PHACTR2: variants seen among roughly 807,000 people sequenced by gnomAD.
PHACTR2 encodes phosphatase and actin regulator 2.
PHACTR2 carries 30 observed loss-of-function variants against 76.0 expected under a neutral mutation model. The ratio of observed to expected loss-of-function variants is 0.39; its 90% CI spans 0.30 to 0.54. PHACTR2 has a LOEUF of 0.54. PHACTR2 is among the 20% of genes least tolerant of loss of function. The pLI, the probability that PHACTR2 is intolerant of heterozygous loss-of-function variation, is 0.61. For missense variants in PHACTR2, 696 were observed against 781.1 expected, an observed-to-expected ratio of 0.89 and a Z score of 1.30; for synonymous variants, 292 against 292.5, an observed-to-expected ratio of 1.00 and a Z score of 0.02.
chr6:143,711,501 C>T (rs1359052963), intron 1 of PHACTR2, among the ~76,000 whole-genome samples: 1 of 152,156 alleles, frequency 6.6e-6, no homozygotes, highest in Non-Finnish European at 1.5e-5. Context: ...AGCTCAAAAC[C>T]TTTTTTGTAA....
chr6:143,689,402 G>A lies in PHACTR2; in HGVS notation c.46+11193G>A, dbSNP rs1434342750. Among the ~76,000 whole-genome samples, 5 of 152,178 alleles carry A rather than the reference G, an allele frequency of 3.3e-5. No homozygotes were observed. Among genetic ancestry groups the A allele is most frequent in the African/African-American group, 9.7e-5 (4 of 41,438 alleles). ...ATTTGTCAAATAAATGAATAGCTCT[G>A]TTTGGCCAGGTCATACATTAGTAGA... On this transcript the variant is annotated intron_variant, in intron 1 of 12. Coordinates refer to ENST00000440869, the MANE Select transcript of PHACTR2 (RefSeq NM_001100164.2). The surrounding 1 kb of genome is among the most constrained non-coding windows in gnomAD (Gnocchi z 4.4).
Position 143,709,224 on chromosome 6 carries a change from G to A in PHACTR2, c.47-2792G>A, listed in dbSNP as rs933022766. Among the ~76,000 whole-genome samples the A allele has an allele frequency of 6.6e-6, 1 of 152,212 alleles. No individual in the cohort carries two copies. The highest frequency in any genetic ancestry group is 1.5e-5 in the Non-Finnish European group (1 of 68,032). ...TCTATCTGTTGTGCTATGGCTGAAA[G>A]TAGGGTTAGGAACCACTTTCAGAAG... On this transcript the variant is annotated intron_variant, in intron 1 of 12. Coordinates refer to ENST00000440869, the MANE Select transcript of PHACTR2 (RefSeq NM_001100164.2). This position sits in a 1 kb window ranked among gnomAD's most constrained non-coding sequence, Gnocchi z 4.4.
At chr6:143,725,576 T>C (rs755304761) in intron 2 of PHACTR2, among the ~76,000 whole-genome samples, 5 of 151,894 alleles carry the variant, frequency 3.3e-5, no homozygotes, top group Non-Finnish European at 5.9e-5. Flanking sequence ...TTCACCATAG[T>C]TTTGTTGTTT....
At chr6:143,614,018 C>T (rs1034471060) in intron 1 of PHACTR2, among the ~76,000 whole-genome samples, 4 of 152,060 alleles carry the variant, frequency 2.6e-5, no homozygotes, top group South Asian at 2.1e-4. Context: ...GTCAGGAGTT[C>T]GAGACCAGCC....
Position 143,562,308 on chromosome 6 carries a change from C to A in PHACTR2, c.217+25101C>A, listed in dbSNP as rs372858336. Among the ~76,000 whole-genome samples the A allele has an allele frequency of 2.0e-5, 3 of 152,120 alleles. No homozygotes were observed. Among genetic ancestry groups the A allele is most frequent in the African/African-American group, 7.2e-5 (3 of 41,408 alleles). On this transcript the variant is annotated intron_variant, in intron 1 of 11. Coordinates refer to the PHACTR2 transcript ENST00000367584. This position sits in a 1 kb window ranked among gnomAD's most constrained non-coding sequence, Gnocchi z 5.1. ...CGGTGCTGGCATCTGCTTGGCCTCC[C>A]CAGGCCTCAGGAAGTTTACAATGAG...
upstream of PHACTR2, among the ~76,000 whole-genome samples, chr6:143,603,940 A>G (rs1226168369): frequency 2.6e-5 from 4 of 152,034 alleles, no homozygotes; most frequent in South Asian, 2.1e-4. Context: ...TCTACTAAAA[A>G]TACAAAAAGT....
intron 11 of PHACTR2, among the ~76,000 whole-genome samples, chr6:143,804,926 G>T (rs139706278): frequency 2.2e-4 from 34 of 152,258 alleles, no homozygotes; most frequent in African/African-American, 7.5e-4. Flanking sequence ...AGTGTACAAA[G>T]CACTTTCAAA....
rs891863189 is a variant in PHACTR2, at chr6:143,618,907, C to A, written c.13+10585C>A. On this transcript the variant is annotated intron_variant, in intron 1 of 11. Coordinates refer to the PHACTR2 transcript ENST00000305766. The surrounding 1 kb of genome is among the most constrained non-coding windows in gnomAD (Gnocchi z 5.2). The stretch of plus-strand genomic sequence containing the variant: ...CTCCTCAAGAACAGGGCCACGTCTC[C>A]TTCTTGAGCCTTATACTAAGTACTG... Among the ~76,000 whole-genome samples the A allele has an allele frequency of 2.0e-5, 3 of 152,066 alleles. No homozygotes were observed. Among genetic ancestry groups the A allele is most frequent in the Non-Finnish European group, 2.9e-5 (2 of 68,040 alleles).
At chr6:143,665,921 G>A (rs1777025720) in intron 1 of PHACTR2, among the ~76,000 whole-genome samples, 1 of 152,072 alleles carries the variant, frequency 6.6e-6, no homozygotes, top group South Asian at 2.1e-4. Flanking sequence ...TGTGCAGAAT[G>A]TGCAGGTTTG....
rs572518341 is a variant in PHACTR2, at chr6:143,548,869, C to T, written c.217+11662C>T. On this transcript the variant is annotated intron_variant, in intron 1 of 11. Transcript: ENST00000367584. This position sits in a 1 kb window ranked among gnomAD's most constrained non-coding sequence, Gnocchi z 4.5. ...ACATAACAAAGTGGATGTTTCATTG[C>T]ACCATAGGTGTTTTAGAGTTGTGGG... is the stretch of plus-strand genomic sequence containing the variant. 1.1e-4 allele frequency among the ~76,000 whole-genome samples: 16 copies of T among 151,972 alleles called. No homozygotes were observed. Among genetic ancestry groups the T allele is most frequent in the African/African-American group, 3.6e-4 (15 of 41,462 alleles).
rs1775183969 is a variant in PHACTR2, at chr6:143,772,666, G to T, written c.1432+209G>T. Among the ~76,000 whole-genome samples the T allele has an allele frequency of 6.6e-6, 1 of 152,174 alleles. No homozygotes were observed. Among genetic ancestry groups the T allele is most frequent in the African/African-American group, 2.4e-5 (1 of 41,442 alleles). On this transcript the variant is annotated intron_variant, in intron 7 of 12. Transcript: ENST00000440869. This position sits in a 1 kb window ranked among gnomAD's most constrained non-coding sequence, Gnocchi z 5.4. ...AGATGATGTCACATGGCTGGATCTG[G>T]CCTTTGTCGATGAGCTAGATGAGCT...
In PHACTR2 at chr6:143,756,562, G is replaced by A. The variant is rs1309786133; in HGVS notation, c.454+2650G>A. 5.1e-4 allele frequency among the ~76,000 whole-genome samples: 77 copies of A among 150,730 alleles called. 1 individual carries two copies. Among genetic ancestry groups the A allele is most frequent in the Admixed American group, 3.6e-3 (54 of 15,172 alleles). On this transcript the variant is annotated intron_variant, in intron 4 of 12. Coordinates refer to ENST00000440869, the MANE Select transcript of PHACTR2 (RefSeq NM_001100164.2). Reference sequence around the variant, plus strand: ...TACAAAAAAAAAATTAGCCGGGCGTGGTGGCGGGCGCCTGTAGTCCCAGCT... The same window carrying A: ...TACAAAAAAAAAATTAGCCGGGCGTAGTGGCGGGCGCCTGTAGTCCCAGCT...
chr6:143,677,997 G>C lies in PHACTR2; in HGVS notation c.-167G>C. On this transcript the variant is annotated 5_prime_UTR_variant, in exon 1 of 13. Coordinates refer to ENST00000440869, the MANE Select transcript of PHACTR2 (RefSeq NM_001100164.2). ...GGGCAGGATCCGCCGCGCCGGCTGC[G>C]GCCGGCCGGGCTGGGAGACCCGCGC... The C allele has an allele frequency of 6.9e-7, 1 of 1,442,884 alleles. No individual in the cohort carries two copies. Among genetic ancestry groups the C allele is most frequent in the Admixed American group, 2.7e-5 (1 of 37,056 alleles). 89.4% of individuals were successfully genotyped at this position (1,442,884 alleles called of 1,614,324 possible).
rs1464145347 is a variant in PHACTR2 at position 143,789,793 on chromosome 6, T to A, written c.1845+883T>A. Among the ~76,000 whole-genome samples, 1 of 152,194 alleles carries A rather than the reference T, an allele frequency of 6.6e-6. No homozygotes were observed. Among genetic ancestry groups the A allele is most frequent in the Non-Finnish European group, 1.5e-5 (1 of 68,046 alleles). On this transcript the variant is annotated intron_variant, in intron 11 of 12. Coordinates refer to ENST00000440869, the MANE Select transcript of PHACTR2 (RefSeq NM_001100164.2). This position sits in a 1 kb window ranked among gnomAD's most constrained non-coding sequence, Gnocchi z 5.1. ...GCTTCATTATTTAAAATACCTGCTA[T>A]GCATCAAGCATATACTGGAGATACA...
rs1046144931 is a variant in PHACTR2 at position 143,825,206 on chromosome 6, G to C, written c.*1517G>C. On this transcript the variant is annotated 3_prime_UTR_variant, in exon 13 of 13. Coordinates refer to ENST00000440869, the MANE Select transcript of PHACTR2 (RefSeq NM_001100164.2). The surrounding 1 kb of genome is among the most constrained non-coding windows in gnomAD (Gnocchi z 4.1). ...AGAGTTTATTTTATTCTCAGAGTTTGGACTACAATTTTCTAAGATGTTTCT... is the reference window on the plus strand; with the variant it reads ...AGAGTTTATTTTATTCTCAGAGTTTCGACTACAATTTTCTAAGATGTTTCT... 2.0e-5 allele frequency: 3 copies of C among 152,190 alleles called. No homozygotes were observed. The highest frequency in any genetic ancestry group is 2.0e-4 in the Admixed American group (3 of 15,274). The allele number at this position is 152,190 out of a possible 1,614,324, so 9.4% of individuals were successfully genotyped here. A position where few individuals can be genotyped will look rare whatever the true frequency, so the allele number is the denominator to read the frequency against.
Position 143,821,107 on chromosome 6 carries a change from C to T in PHACTR2, c.1923-2567C>T, listed in dbSNP as rs971970490. On this transcript the variant is annotated intron_variant, in intron 12 of 12. Transcript: ENST00000440869. This position sits in a 1 kb window ranked among gnomAD's most constrained non-coding sequence, Gnocchi z 5.2. ...GCAGCAGGGCCCTTGACCTGGCCCT[C>T]GAAAAAGTGAAAGAGTGATGTTGCC... is the stretch of plus-strand genomic sequence containing the variant. Among the ~76,000 whole-genome samples the T allele has an allele frequency of 1.3e-5, 2 of 152,278 alleles. No homozygotes were observed. The highest frequency in any genetic ancestry group is 1.9e-4 in the East Asian group (1 of 5,176).
In PHACTR2 at chr6:143,789,085, T is replaced by G; in HGVS notation, c.1845+175T>G. The G allele has an allele frequency of 2.0e-6, 1 of 497,786 alleles. No homozygotes were observed. The highest frequency in any genetic ancestry group is 3.6e-6 in the Non-Finnish European group (1 of 280,450). 30.8% of individuals were successfully genotyped at this position (497,786 alleles called of 1,614,324 possible). ...GATACATTTAGTGATATCAATGTAG[T>G]TCTTTCAACTAAGTCTCAGAGAAAA... On this transcript the variant is annotated intron_variant, in intron 11 of 12. Coordinates refer to ENST00000440869, the MANE Select transcript of PHACTR2 (RefSeq NM_001100164.2). The surrounding 1 kb of genome is among the most constrained non-coding windows in gnomAD (Gnocchi z 5.1).
At chr6:143,726,447 G>T (rs1172308220) in intron 2 of PHACTR2, among the ~76,000 whole-genome samples, 1 of 152,088 alleles carries the variant, frequency 6.6e-6, no homozygotes. Context: ...TGCCCCCCCA[G>T]TAACCCACCA....
At chr6:143,609,870 T>G (rs556412189) in intron 1 of PHACTR2, among the ~76,000 whole-genome samples, 3 of 152,360 alleles carry the variant, frequency 2.0e-5, no homozygotes, top group Non-Finnish European at 2.9e-5. Flanking sequence ...TTTTCTTTTT[T>G]GGGTAACTAG....
Sources: allele counts gnomAD v4.1 joint callset (sites outside exome capture counted in the v4.1 genomes callset), GRCh38; gene constraint gnomAD v4.1.1; non-coding constraint Gnocchi (gnomAD v3.1); transcripts MANE v1.5; gene names NCBI Gene and HGNC (gene_info 2026-07-23, HGNC 2026-07-21).